The following C5 variants were observed in gnomAD, a reference collection of about 807,000 sequenced individuals.
The protein encoded by C5 is complement C5.
Under a neutral mutation model 218.8 loss-of-function variants are expected in C5, and 140 were observed. The ratio of observed to expected loss-of-function variants is 0.64; its 90% CI spans 0.56 to 0.74. C5 has a LOEUF of 0.74. Among genes scored for constraint, C5 ranks in the 30% least tolerant of loss-of-function variants. C5 has a pLI of 0.00. For missense variants in C5, 1,700 were observed against 1,969.6 expected, an observed-to-expected ratio of 0.86 and a Z score of 2.59; for synonymous variants, 614 against 682.3, an observed-to-expected ratio of 0.90 and a Z score of 1.56.
Position 121,046,345 on chromosome 9 carries a change from G to A in C5, c.104C>T (p.Ala35Val), listed in dbSNP as rs1351694798. The change falls in exon 2 of 41, where the codon GCA becomes GTA. Residue 35 changes from alanine (A) to valine (V), a missense_variant. Coordinates refer to ENST00000223642, the MANE Select transcript of C5 (RefSeq NM_001735.3). ...ISAPKIFRVG[A>V]SENIVIQVYG... ...AACTTGAATCACAATATTTTCAGAT[G>A]CTCCAACACGGAATATTTTTGGTGC... is the stretch of plus-strand genomic sequence containing the variant. 6.2e-7 allele frequency: 1 copy of A among 1,612,370 alleles called. No individual in the cohort carries two copies. The highest frequency in any genetic ancestry group is 2.2e-5 in the East Asian group (1 of 44,712).
intron 7 of C5, among the ~76,000 whole-genome samples, chr9:121,028,663 T>G (rs1285823628): frequency 6.6e-6 from 1 of 151,274 alleles, no homozygotes; most frequent in Admixed American, 6.6e-5. Flanking sequence ...TTGGACACAG[T>G]GCGGGGAACA....
At chr9:121,002,700 G>T (rs2047182526) in intron 20 of C5, among the ~76,000 whole-genome samples, 1 of 152,064 alleles carries the variant, frequency 6.6e-6, no homozygotes. Context: ...ACCTGATGGA[G>T]AAATGGCCTT....
At chr9:121,041,439 G>A (rs367948249) in intron 3 of C5, among the ~76,000 whole-genome samples, 1 of 151,132 alleles carries the variant, frequency 6.6e-6, no homozygotes, top group South Asian at 2.1e-4. Flanking sequence ...AGAGTAGCTG[G>A]GATTACAGGC....
At chr9:120,968,022 A>G (rs73532987) in intron 33 of C5, among the ~76,000 whole-genome samples, 17,114 of 152,118 alleles carry the variant, frequency 0.11, 1,478 homozygotes, top group African/African-American at 0.24. Flanking sequence ...GTACCCGGCA[A>G]AAAACCTACA....
At chr9:120,955,760 G>C (rs1325782552) in intron 39 of C5, among the ~76,000 whole-genome samples, 3 of 151,942 alleles carry the variant, frequency 2.0e-5, no homozygotes, top group Admixed American at 6.6e-5. Flanking sequence ...AATATTACTA[G>C]AATTTTAAAC....
upstream of C5, among the ~76,000 whole-genome samples, chr9:121,050,930 T>C (rs1564168115): frequency 6.6e-6 from 1 of 152,142 alleles, no homozygotes; most frequent in African/African-American, 2.4e-5. Flanking sequence ...CCAATATTTA[T>C]TAAGGCATAT....
chr9:120,959,153 G>GT (rs753186073), intron 38 of C5, among the ~76,000 whole-genome samples: 33 of 152,040 alleles, frequency 2.2e-4, no homozygotes, highest in Non-Finnish European at 4.0e-4. Context: ...ATGAGAAACT[G>GT]TTTATGGAAG....
chr9:120,960,610 G>A (rs570530938), intron 37 of C5, among the ~76,000 whole-genome samples: 8 of 152,360 alleles, frequency 5.3e-5, no homozygotes, highest in African/African-American at 1.4e-4. Context: ...GGGCAGCTTC[G>A]AATGCGGCAC....
rs1034706919 is a variant in C5, at chr9:121,000,064, A to C, written c.2563-2290T>G. 1.8e-5 allele frequency: 5 copies of C among 281,922 alleles called. No homozygotes were observed. In the East Asian group the frequency reaches 5.1e-4, roughly 28 times the overall value. The allele number at this position is 281,922 out of a possible 1,614,324, so 17.5% of individuals were successfully genotyped here. A position where few individuals can be genotyped will look rare whatever the true frequency, so the allele number is the denominator to read the frequency against. On this transcript the variant is annotated intron_variant, in intron 20 of 40. Coordinates refer to ENST00000223642, the MANE Select transcript of C5 (RefSeq NM_001735.3). ...ACAGGGCGAGACTCTGTCTCAAAAA[A>C]AAAAAAAATGCTGTCAAGTTATATA...
intron 6 of C5, 78 bp downstream of exon 6, chr9:121,032,035 C>T (rs950238382): frequency 2.4e-6 from 2 of 837,478 alleles, no homozygotes; most frequent in Non-Finnish European, 4.0e-6. Context: ...TGCACTCCAG[C>T]CTGGGCAACA....
rs557088052 is a variant in C5, at chr9:120,996,560, T to G, written c.2791-260A>C. On this transcript the variant is annotated intron_variant, in intron 21 of 40. Coordinates refer to ENST00000223642, the MANE Select transcript of C5 (RefSeq NM_001735.3). The stretch of plus-strand genomic sequence containing the variant: ...AGTGCTTTATATGTATTAACTCATT[T>G]AACCTCTAAAAACCTCTATGAGGTT... Among the ~76,000 whole-genome samples, 36 of 152,394 alleles carry G rather than the reference T, an allele frequency of 2.4e-4. 1 individual carries two copies. The East Asian group carries it at 5.8e-3, about 24-fold the overall frequency.
At chr9:121,013,371 G>T (rs1179665216) in intron 17 of C5, among the ~76,000 whole-genome samples, 1 of 150,748 alleles carries the variant, frequency 6.6e-6, no homozygotes, top group Non-Finnish European at 1.5e-5. Flanking sequence ...CTGAAAACAT[G>T]TTAATGAGAG....
Position 121,017,642 on chromosome 9 carries a change from CCTGGAGCTGGTTGCCA to C in C5, c.1701_1716del (p.Cys567TrpfsTer31). On this transcript the variant is annotated frameshift_variant and splice_region_variant, in exon 13 of 41. Coordinates refer to ENST00000223642, the MANE Select transcript of C5 (RefSeq NM_001735.3). LOFTEE classifies it high-confidence loss of function. The stretch of plus-strand genomic sequence containing the variant: ...ATTGTGACTTATAATTTGTGGCTTA[CCTGGAGCTGGTTGCCA>C]CATTTTTCTTCAATATTTAACCAGA... 6.2e-7 allele frequency: 1 copy of C among 1,612,932 alleles called. No individual in the cohort carries two copies. Among genetic ancestry groups the C allele is most frequent in the East Asian group, 2.2e-5 (1 of 44,880 alleles).
Position 121,006,953 on chromosome 9 carries a change from A to T in C5, c.2373T>A (p.Pro791=). The T allele has an allele frequency of 6.2e-7, 1 of 1,612,612 alleles. No individual in the cohort carries two copies. The highest frequency in any genetic ancestry group is 8.5e-7 in the Non-Finnish European group (1 of 1,178,662). Residue 791 remains proline, a synonymous_variant, in exon 19 of 41, where the codon CCT becomes CCA. Transcript: ENST00000223642. ...PRRKQLQFAL[P]DSLTTWEIQG... ...GAATTTCCCAGGTGGTTAGAGAATC[A>T]GGTAGGGCAAACTGCAACTGTTTTC...
the C5 span, among the ~76,000 whole-genome samples, chr9:121,071,964 T>TA: frequency 2.2e-4 from 34 of 152,216 alleles, no homozygotes; most frequent in Non-Finnish European, 4.9e-4. Context: ...TAAAGAAAAA[T>TA]AGTGTGGAAC....
At chr9:121,057,443 T>C in the C5 span, among the ~76,000 whole-genome samples, 1 of 152,108 alleles carries the variant, frequency 6.6e-6, no homozygotes, top group African/African-American at 2.4e-5. Context: ...TGTAAAAAGA[T>C]ACAAATAGAT....
chr9:120,974,574 A>C (rs1448787294), intron 30 of C5, among the ~76,000 whole-genome samples: 1 of 152,188 alleles, frequency 6.6e-6, no homozygotes, highest in Non-Finnish European at 1.5e-5. Flanking sequence ...CTTAAATGAC[A>C]ATCTCCCTGC....
At chr9:121,019,575 G>A (rs1336898970) in intron 12 of C5, among the ~76,000 whole-genome samples, 1 of 152,150 alleles carries the variant, frequency 6.6e-6, no homozygotes, top group African/African-American at 2.4e-5. Context: ...TCACTTATCC[G>A]AACTGGGTCT....
intron 39 of C5, among the ~76,000 whole-genome samples, chr9:120,954,313 A>C (rs1564129106): frequency 6.6e-6 from 1 of 152,342 alleles, no homozygotes; most frequent in East Asian, 1.9e-4. Flanking sequence ...AAAATATAAA[A>C]TTATTTGGTA....
Sources: gnomAD v4.1 joint callset for allele counts (sites outside exome capture counted in the v4.1 genomes callset) on GRCh38, gnomAD v4.1.1 for gene constraint, MANE v1.5 for transcripts, NCBI Gene and HGNC (gene_info 2026-07-23, HGNC 2026-07-21) for gene names.